The following CNN3 variants were observed in gnomAD, a reference collection of about 807,000 sequenced individuals.
CNN3 encodes calponin 3, also known as calponin-3.
CNN3 carries 11 observed loss-of-function variants against 39.0 expected under a neutral mutation model. The observed-to-expected ratio is 0.28, with a 90% CI of 0.18 to 0.47. CNN3 has a LOEUF of 0.47. Among genes scored for constraint, CNN3 ranks in the 20% least tolerant of loss-of-function variants. The pLI is 0.99. For synonymous variants in CNN3, 101 were observed against 138.3 expected (o/e 0.73, Z 1.89); for missense variants, 266 against 403.4 (o/e 0.66, Z 2.92).
chr1:94,925,706 C>G (rs1191412291), intron 1 of CNN3: 3 of 985,386 alleles, frequency 3.0e-6, no homozygotes, highest in Non-Finnish European at 3.6e-6. Flanking sequence ...ATGCCAGTGC[C>G]TTCCACCAGC....
intron 5 of CNN3, among the ~76,000 whole-genome samples, chr1:94,901,190 C>T (rs1670853823): frequency 6.6e-6 from 1 of 151,954 alleles, no homozygotes; most frequent in African/African-American, 2.4e-5. Flanking sequence ...CCTATCTCTA[C>T]TAAAACTACA....
In CNN3 at chr1:94,926,837, C is replaced by A. The variant is rs1409822671; in HGVS notation, c.57+1G>T. On this transcript the variant is annotated splice_donor_variant, in intron 1 of 6. Coordinates refer to ENST00000370206, the MANE Select transcript of CNN3 (RefSeq NM_001839.5). LOFTEE classifies it high-confidence loss of function. This position sits in a 1 kb window ranked among gnomAD's most constrained non-coding sequence, Gnocchi z 4.2. ...CCCGCGCCCGCCCGAGCCAGGCGTACCTTGTTCTTGACTTCGGCCGAGAGC... is the reference window on the plus strand; with the variant it reads ...CCCGCGCCCGCCCGAGCCAGGCGTAACTTGTTCTTGACTTCGGCCGAGAGC... 6.2e-7 allele frequency: 1 copy of A among 1,611,136 alleles called. No individual in the cohort carries two copies. Among genetic ancestry groups the A allele is most frequent in the Non-Finnish European group, 8.5e-7 (1 of 1,178,594 alleles).
chr1:94,902,556 C>G (rs1456727812), intron 3 of CNN3, among the ~76,000 whole-genome samples: 2 of 152,182 alleles, frequency 1.3e-5, no homozygotes, highest in Admixed American at 6.5e-5. Context: ...CAGAGCTATC[C>G]AGGCCTGGAA....
chr1:94,913,622 G>A (rs1047598527), intron 1 of CNN3, among the ~76,000 whole-genome samples: 1 of 152,186 alleles, frequency 6.6e-6, no homozygotes, highest in Non-Finnish European at 1.5e-5. Flanking sequence ...AACTAGGTGG[G>A]GAAGGGATTA....
At chr1:94,919,484 T>C (rs1671385284) in intron 1 of CNN3, among the ~76,000 whole-genome samples, 1 of 152,248 alleles carries the variant, frequency 6.6e-6, no homozygotes, top group Non-Finnish European at 1.5e-5. Flanking sequence ...TTTTCTCTCC[T>C]ATTTCCTCCC....
Position 94,926,918 on chromosome 1 carries a change from A to G in CNN3, c.-24T>C, listed in dbSNP as rs2101747906. On this transcript the variant is annotated 5_prime_UTR_variant, in exon 1 of 7. Transcript: ENST00000370206. This position sits in a 1 kb window ranked among gnomAD's most constrained non-coding sequence, Gnocchi z 4.2. ...ATGGTGGTTCGGGCGGCGGGAAGAG[A>G]CAGCGCTGGGGTCCGGGGTCTCTCG... 1 of 1,605,882 alleles carries G rather than the reference A, an allele frequency of 6.2e-7. No individual in the cohort carries two copies. Among genetic ancestry groups the G allele is most frequent in the Non-Finnish European group, 8.5e-7 (1 of 1,175,898 alleles).
chr1:94,910,472 T>G (rs1167107371), intron 1 of CNN3, among the ~76,000 whole-genome samples: 1 of 150,340 alleles, frequency 6.7e-6, no homozygotes, highest in Non-Finnish European at 1.5e-5. Context: ...CCATCTCAAG[T>G]ATCAAGATTC....
intron 6 of CNN3, among the ~76,000 whole-genome samples, 187 bp downstream of exon 6, chr1:94,899,181 AACC>A (rs1163007362): frequency 6.6e-6 from 1 of 152,160 alleles, no homozygotes; most frequent in East Asian, 1.9e-4. Flanking sequence ...TGCCAACAAA[AACC>A]ACGAGACACA....
intron 5 of CNN3, among the ~76,000 whole-genome samples, chr1:94,901,444 G>A (rs982819793): frequency 1.4e-5 from 2 of 147,260 alleles, no homozygotes; most frequent in Admixed American, 6.8e-5. Flanking sequence ...AAAAATTTTC[G>A]TTTCCTGGAG....
intron 1 of CNN3, among the ~76,000 whole-genome samples, chr1:94,906,591 T>G (rs1400173377): frequency 6.6e-6 from 1 of 152,184 alleles, no homozygotes; most frequent in Non-Finnish European, 1.5e-5. Context: ...GCTCCATCTA[T>G]CTTTGCTATG....
chr1:94,920,435 G>A (rs1356571397), intron 1 of CNN3, among the ~76,000 whole-genome samples: 1 of 152,164 alleles, frequency 6.6e-6, no homozygotes, highest in African/African-American at 2.4e-5. Context: ...AGAAAAAGCA[G>A]CTCAGAACAC....
intron 1 of CNN3, among the ~76,000 whole-genome samples, chr1:94,920,762 T>C (rs181721086): frequency 6.6e-6 from 1 of 152,154 alleles, no homozygotes; most frequent in Non-Finnish European, 1.5e-5. Context: ...TATGGAGAAG[T>C]CTTCAAGTTC....
chr1:94,902,011 A>C, intron 4 of CNN3, 110 bp downstream of exon 4: 1 of 940,724 alleles, frequency 1.1e-6, no homozygotes, highest in Non-Finnish European at 1.7e-6. Context: ...TAATTACAGA[A>C]GAGACAGGCC....
At chr1:94,899,568 C>T (rs1369033668) in intron 5 of CNN3, 51 bp from the exon 6 acceptor site, 3 of 1,566,390 alleles carry the variant, frequency 1.9e-6, no homozygotes, top group African/African-American at 1.4e-5. Context: ...CAACAATATA[C>T]ACAACACAAA....
intron 1 of CNN3, among the ~76,000 whole-genome samples, chr1:94,911,904 T>C (rs778557121): frequency 6.6e-6 from 1 of 151,890 alleles, no homozygotes; most frequent in Admixed American, 6.6e-5. Context: ...ACCCTGTTTC[T>C]ACTACAAAAA....
chr1:94,898,794 G>A lies in CNN3; in HGVS notation c.648+577C>T, dbSNP rs1446218834. On this transcript the variant is annotated intron_variant, in intron 6 of 6. Transcript: ENST00000370206. The stretch of plus-strand genomic sequence containing the variant: ...AGTTTGATAAATCTCCCTTGGACTC[G>A]GTAAGAAAATGTTTTTCAAACCCTA... Among the ~76,000 whole-genome samples, 3 of 152,124 alleles carry A rather than the reference G, an allele frequency of 2.0e-5. No individual in the cohort carries two copies. The East Asian group carries it at 5.8e-4, about 29-fold the overall frequency.
intron 5 of CNN3, among the ~76,000 whole-genome samples, chr1:94,901,401 TTAAA>T (rs930885718): frequency 2.0e-5 from 3 of 147,106 alleles, no homozygotes; most frequent in African/African-American, 5.0e-5. Context: ...TTTTTCTTTT[TTAAA>T]AAAAAAAAAA....
intron 1 of CNN3, among the ~76,000 whole-genome samples, chr1:94,911,273 A>G (rs539194567): frequency 6.6e-6 from 1 of 152,286 alleles, no homozygotes; most frequent in African/African-American, 2.4e-5. Context: ...AGCTGTGGAA[A>G]ATCATGCTCG....
chr1:94,902,273 A>C lies in CNN3; in HGVS notation c.247-15T>G, dbSNP rs771546580. 37 of 1,598,398 alleles carry C rather than the reference A, an allele frequency of 2.3e-5. No individual in the cohort carries two copies. The highest frequency in any genetic ancestry group is 2.8e-5 in the Non-Finnish European group (33 of 1,170,516). Reference sequence around the variant, plus strand: ...ATATTCTCCAACTATAAAGAAGAAGAGTTTTATAATTTCTGGAGCTAAATA... The same window carrying C: ...ATATTCTCCAACTATAAAGAAGAAGCGTTTTATAATTTCTGGAGCTAAATA... On this transcript the variant is annotated splice_polypyrimidine_tract_variant and intron_variant, in intron 3 of 6. Coordinates refer to ENST00000370206, the MANE Select transcript of CNN3 (RefSeq NM_001839.5).
Sources: gnomAD v4.1 joint callset for allele counts (sites outside exome capture counted in the v4.1 genomes callset) on GRCh38, gnomAD v4.1.1 for gene constraint, Gnocchi (gnomAD v3.1) non-coding constraint, MANE v1.5 for transcripts, NCBI Gene and HGNC (gene_info 2026-07-23, HGNC 2026-07-21) for gene names.